The following IL1RAPL1 variants were observed in gnomAD, a reference collection of about 807,000 sequenced individuals.
IL1RAPL1 encodes interleukin 1 receptor accessory protein like 1.
A neutral mutation model predicts 48.4 loss-of-function variants in IL1RAPL1; 3 were observed. The observed-to-expected ratio is 0.06, with a 90% CI of 0.03 to 0.16. IL1RAPL1 has a LOEUF of 0.16. Among genes scored for constraint, IL1RAPL1 ranks in the 10% least tolerant of loss-of-function variants. The pLI, the probability that IL1RAPL1 is intolerant of heterozygous loss-of-function variation, is 1.00. For missense variants in IL1RAPL1, 349 were observed against 530.6 expected, an observed-to-expected ratio of 0.66 and a Z score of 3.36; for synonymous variants, 185 against 187.7, an observed-to-expected ratio of 0.99 and a Z score of 0.12.
chrX:29,648,564 G>T (rs1366248578), intron 5 of IL1RAPL1, among the ~76,000 whole-genome samples: 3 of 111,414 alleles, frequency 2.7e-5, no homozygotes, highest in African/African-American at 9.8e-5. Flanking sequence ...GAAGTTAAAA[G>T]GAAAATTTAA....
At chrX:29,332,608 T>TTTTA (rs143450419) in intron 3 of IL1RAPL1, among the ~76,000 whole-genome samples, 1,534 of 90,040 alleles carry the variant, frequency 0.017, 21 homozygotes, top group African/African-American at 0.038. Flanking sequence ...TTGGCCCATA[T>TTTTA]TTTATTTATT....
chrX:29,572,612 C>T (rs897638026), intron 5 of IL1RAPL1, among the ~76,000 whole-genome samples: 1 of 112,257 alleles, frequency 8.9e-6, no homozygotes, highest in African/African-American at 3.2e-5. Context: ...AGATTTTACA[C>T]CAAGTGAATG....
At chrX:29,097,863 G>C (rs1277879578) in intron 2 of IL1RAPL1, among the ~76,000 whole-genome samples, 2 of 112,168 alleles carry the variant, frequency 1.8e-5, no homozygotes, top group East Asian at 2.8e-4. Context: ...AAGCAAACCT[G>C]CTAAAGATGA....
At position 29,779,570 on chromosome X, in the gene IL1RAPL1, A is replaced by G. The variant is rs57611249; in HGVS notation, c.778+111066A>G. Among the ~76,000 whole-genome samples, 690 of 110,853 alleles carry G rather than the reference A, an allele frequency of 6.2e-3. 8 individuals are homozygous for G. The highest frequency in any genetic ancestry group is 0.021 in the African/African-American group (648 of 30,513). ...GACACGCAATTTAACCATATAACAA[A>G]CCTGCCCATGTACGCCCTGAACCTA... On this transcript the variant is annotated intron_variant, in intron 6 of 10. Coordinates refer to ENST00000378993, the MANE Select transcript of IL1RAPL1 (RefSeq NM_014271.4).
chrX:29,078,227 G>A (rs1406428462), intron 2 of IL1RAPL1, among the ~76,000 whole-genome samples: 2 of 111,650 alleles, frequency 1.8e-5, no homozygotes, highest in African/African-American at 6.5e-5. Context: ...AGGCAAGATC[G>A]TGCCATTGCA....
chrX:29,461,922 A>G (rs968712900), intron 5 of IL1RAPL1, among the ~76,000 whole-genome samples: 2 of 111,871 alleles, frequency 1.8e-5, no homozygotes, highest in African/African-American at 6.5e-5. Context: ...AGTGTTTTAA[A>G]ACTGGGTTAT....
intron 1 of IL1RAPL1, among the ~76,000 whole-genome samples, chrX:28,768,990 C>G (rs1936282188): frequency 9.3e-6 from 1 of 107,029 alleles, no homozygotes; most frequent in Non-Finnish European, 1.9e-5. Context: ...AAGAAATGAT[C>G]AAGAGTTCCA....
At chrX:29,395,585 A>G (rs1199352462) in intron 3 of IL1RAPL1, among the ~76,000 whole-genome samples, 2 of 112,057 alleles carry the variant, frequency 1.8e-5, no homozygotes, top group East Asian at 5.6e-4. Flanking sequence ...GAATCTGTCT[A>G]TCAGGATGGG....
intron 1 of IL1RAPL1, among the ~76,000 whole-genome samples, chrX:28,768,822 GTGTATATATA>G (rs1936279752): frequency 1.9e-5 from 1 of 52,801 alleles, no homozygotes; most frequent in Non-Finnish European, 3.2e-5. Flanking sequence ...TAATGTGTGT[GTGTATATATA>G]TATATATATA....
chrX:29,872,641 C>G (rs774136573), intron 6 of IL1RAPL1, among the ~76,000 whole-genome samples: 1 of 111,842 alleles, frequency 8.9e-6, no homozygotes, highest in East Asian at 2.9e-4. Flanking sequence ...TGTAAAGTGT[C>G]TTTCACTATA....
intron 6 of IL1RAPL1, among the ~76,000 whole-genome samples, chrX:29,719,119 A>G (rs1445301168): frequency 9.0e-6 from 1 of 111,363 alleles, no homozygotes; most frequent in Non-Finnish European, 1.9e-5. Flanking sequence ...GCTTTTGACT[A>G]GGTATTTAGT....
intron 2 of IL1RAPL1, among the ~76,000 whole-genome samples, chrX:29,188,494 A>C (rs919260107): frequency 9.0e-6 from 1 of 111,446 alleles, no homozygotes; most frequent in African/African-American, 3.3e-5. Context: ...ATAGGATTGC[A>C]TGAGAAAGAA....
chrX:28,749,816 T>A (rs982666363), intron 1 of IL1RAPL1, among the ~76,000 whole-genome samples: 3 of 110,465 alleles, frequency 2.7e-5, no homozygotes, highest in Non-Finnish European at 5.7e-5. Flanking sequence ...TAAAAAAAAA[T>A]TTGCTCAGCC....
chrX:29,591,019 T>C (rs190429693), intron 5 of IL1RAPL1, among the ~76,000 whole-genome samples: 39 of 112,286 alleles, frequency 3.5e-4, no homozygotes, highest in African/African-American at 1.1e-3. Context: ...GCATTACACA[T>C]CCTCGAGGCA....
intron 5 of IL1RAPL1, among the ~76,000 whole-genome samples, chrX:29,436,260 GATTAT>G (rs1275112130): frequency 1.8e-5 from 2 of 109,891 alleles, no homozygotes; most frequent in Non-Finnish European, 3.8e-5. Context: ...CTTTGATTTG[GATTAT>G]ATTATAGTAA....
intron 6 of IL1RAPL1, among the ~76,000 whole-genome samples, chrX:29,691,501 C>T (rs978751307): frequency 8.1e-5 from 9 of 110,746 alleles, no homozygotes; most frequent in Admixed American, 7.7e-4. Context: ...AAATAAGTAA[C>T]GGGACCATAA....
At chrX:29,755,968 C>A (rs1928602404) in intron 6 of IL1RAPL1, among the ~76,000 whole-genome samples, 1 of 112,308 alleles carries the variant, frequency 8.9e-6, no homozygotes, top group South Asian at 3.7e-4. Flanking sequence ...CACTTATTAA[C>A]TGTATGGTTT....
chrX:28,662,767 G>GAAGGGGGT (rs1369534946), intron 1 of IL1RAPL1, among the ~76,000 whole-genome samples: 1 of 111,690 alleles, frequency 9.0e-6, no homozygotes, highest in African/African-American at 3.3e-5. Flanking sequence ...ACCAGAAAAG[G>GAAGGGGGT]AAGGGGGTGA....
intron 5 of IL1RAPL1, among the ~76,000 whole-genome samples, chrX:29,445,563 T>C: frequency 8.9e-6 from 1 of 112,204 alleles, no homozygotes; most frequent in South Asian, 3.7e-4. Flanking sequence ...TACAGAAATG[T>C]CCTTATTTTT....
Sources: allele counts gnomAD v4.1 joint callset (sites outside exome capture counted in the v4.1 genomes callset), GRCh38; gene constraint gnomAD v4.1.1; transcripts MANE v1.5; gene names NCBI Gene and HGNC (gene_info 2026-07-23, HGNC 2026-07-21).